Variants in CCDC141 observed in about 807,000 individuals in gnomAD.
CCDC141 encodes the protein coiled-coil domain containing 141.
Under a neutral mutation model 181.0 loss-of-function variants are expected in CCDC141, and 168 were observed. That is an observed-to-expected ratio of 0.93 (90% CI 0.82 to 1.05). The LOEUF (loss-of-function observed/expected upper bound fraction) is 1.05, where lower values mean the gene tolerates loss of function less well. CCDC141 is among the 50% of genes least tolerant of loss of function. The pLI is 0.00. For synonymous variants in CCDC141, 666 were observed against 642.3 expected, an observed-to-expected ratio of 1.04 and a Z score of -0.56; for missense variants, 1,902 against 1,788.5, an observed-to-expected ratio of 1.06 and a Z score of -1.14.
chr2:178,815,067 T>C, the CCDC141 span, among the ~76,000 whole-genome samples: 2 of 152,172 alleles, frequency 1.3e-5, no homozygotes, highest in East Asian at 1.9e-4. Flanking sequence ...ATGAGCTCTG[T>C]TGGCACTTTA....
intron 4 of CCDC141, among the ~76,000 whole-genome samples, chr2:178,966,530 G>C (rs1690642191): frequency 6.6e-6 from 1 of 152,202 alleles, no homozygotes; most frequent in South Asian, 2.1e-4. Flanking sequence ...AGAGGGGCCT[G>C]ACTGTCAGAA....
chr2:179,019,699 A>G (rs1344171801), intron 2 of CCDC141, among the ~76,000 whole-genome samples: 1 of 152,122 alleles, frequency 6.6e-6, no homozygotes, highest in East Asian at 1.9e-4. Context: ...GTTCCAATAC[A>G]TTGGTATAGC....
chr2:178,816,699 A>G, the CCDC141 span, among the ~76,000 whole-genome samples: 1 of 152,168 alleles, frequency 6.6e-6, no homozygotes, highest in Non-Finnish European at 1.5e-5. Context: ...CCTCACTAGC[A>G]TTTGGCTTTG....
rs562699502 is a variant in CCDC141, at chr2:178,913,077, G to A, written c.1092+5636C>T. ...CCTGGCCTCTCATCTAAACTTGACT[G>A]AGAAGGTCTGGAAAGCAGGGATTAT... On this transcript the variant is annotated intron_variant, in intron 7 of 23. Coordinates refer to ENST00000443758, the MANE Select transcript of CCDC141 (RefSeq NM_173648.4). Among the ~76,000 whole-genome samples the A allele has an allele frequency of 1.1e-4, 16 of 152,320 alleles. No homozygotes were observed. The South Asian group carries it at 2.9e-3, about 28-fold the overall frequency.
intron 2 of CCDC141, among the ~76,000 whole-genome samples, chr2:178,983,089 T>C (rs1016071327): frequency 3.9e-5 from 6 of 152,156 alleles, no homozygotes; most frequent in African/African-American, 1.4e-4. Context: ...AAGAGAGCAG[T>C]GGTTCTCCCA....
chr2:178,872,686 C>A (rs1042604013), intron 12 of CCDC141, among the ~76,000 whole-genome samples: 1 of 152,164 alleles, frequency 6.6e-6, no homozygotes, highest in South Asian at 2.1e-4. Context: ...TTAACATGCT[C>A]ATTGGAATAC....
intron 14 of CCDC141, among the ~76,000 whole-genome samples, chr2:178,870,319 A>G (rs1219734806): frequency 8.7e-6 from 1 of 114,764 alleles, no homozygotes; most frequent in African/African-American, 3.3e-5. Flanking sequence ...TATGAAAGGT[A>G]AAAGTAATGG....
intron 2 of CCDC141, among the ~76,000 whole-genome samples, chr2:179,023,545 T>A (rs2042745924): frequency 6.6e-6 from 1 of 152,242 alleles, no homozygotes; most frequent in Non-Finnish European, 1.5e-5. Flanking sequence ...AAAGTGGTTC[T>A]CACTAGCAAT....
chr2:178,826,420 T>C (rs963147267), downstream of CCDC141, among the ~76,000 whole-genome samples: 3 of 152,212 alleles, frequency 2.0e-5, no homozygotes, highest in African/African-American at 4.8e-5. Flanking sequence ...GTTTTACTAT[T>C]AGCATAATTC....
chr2:178,918,928 T>C (rs904551958), intron 6 of CCDC141, 21 bp from the exon 7 acceptor site: 3 of 1,539,894 alleles, frequency 1.9e-6, no homozygotes, highest in Admixed American at 4.0e-5. Context: ...TTATTCTTAT[T>C]ATTTTATACA....
intron 4 of CCDC141, among the ~76,000 whole-genome samples, chr2:178,967,914 G>GT (rs997038273): frequency 1.3e-5 from 2 of 151,598 alleles, no homozygotes; most frequent in African/African-American, 4.8e-5. Context: ...CAAATGGAAA[G>GT]TAAAAAAAAA....
intron 2 of CCDC141, among the ~76,000 whole-genome samples, chr2:179,026,913 T>C (rs907206769): frequency 6.6e-6 from 1 of 152,254 alleles, no homozygotes; most frequent in Admixed American, 6.5e-5. Context: ...ATGGGGCCTA[T>C]AGCCCCTTTG....
intron 4 of CCDC141, among the ~76,000 whole-genome samples, chr2:178,966,113 C>T (rs528793318): frequency 3.3e-5 from 5 of 152,298 alleles, no homozygotes; most frequent in Non-Finnish European, 7.3e-5. Context: ...GGCAGCCGCC[C>T]CAGTCAGGGA....
Position 178,837,538 on chromosome 2 carries a change from A to G in CCDC141, c.3681T>C (p.Leu1227=), listed in dbSNP as rs775224565. 38 of 1,613,808 alleles carry G rather than the reference A, an allele frequency of 2.4e-5. No homozygotes were observed. The African/African-American group carries it at 4.8e-4, about 20-fold the overall frequency. The part of the protein sequence containing the change: ...PPLPGSPESP[L]APSDMEVEEP... ...CTTCCACCTCCATGTCAGATGGTGC[A>G]AGAGGGGACTCAGGGCTTCCTGGGA... Residue 1227 remains leucine (L), a synonymous_variant, in exon 23 of 24, where the codon CTT becomes CTC. Transcript: ENST00000443758.
chr2:178,859,695 A>C (rs1484885261), intron 17 of CCDC141, among the ~76,000 whole-genome samples: 1 of 152,228 alleles, frequency 6.6e-6, no homozygotes, highest in Non-Finnish European at 1.5e-5. Context: ...AAACAGACTG[A>C]GTTAACATAG....
In CCDC141 at chr2:178,834,233, C is replaced by A; in HGVS notation, c.4533G>T (p.Trp1511Cys). The A allele has an allele frequency of 2.0e-6, 3 of 1,536,216 alleles. No individual in the cohort carries two copies. Among genetic ancestry groups the A allele is most frequent in the Non-Finnish European group, 2.6e-6 (3 of 1,146,858 alleles). ...NCRLPITRVNWITLCVVYVSV... is the reference protein window; with the variant it reads ...NCRLPITRVNCITLCVVYVSV... ...TAACATAGACGACACACAGGGTTAT[C>A]CAGTTTACTCTTGTGATTGGCAGCC... Residue 1511 changes from tryptophan (W) to cysteine (C), a missense_variant, in exon 24 of 24, where the codon TGG (tryptophan) becomes TGT (cysteine). Trp to Cys is a radical substitution (Grantham distance 215). Coordinates refer to ENST00000443758, the MANE Select transcript of CCDC141 (RefSeq NM_173648.4).
Position 178,832,476 on chromosome 2 carries a change from AAAAAAAAC to A in CCDC141, c.*1689_*1696del, listed in dbSNP as rs1301295506. On this transcript the variant is annotated 3_prime_UTR_variant, in exon 24 of 24. Transcript: ENST00000443758. ...GCAAGACTCTTTCTCAAAAAAAAAA[AAAAAAAAC>A]AAAAAAAACAAAAAAAAGATAGTTA... 3.0e-5 allele frequency: 4 copies of A among 134,116 alleles called. No individual in the cohort carries two copies. In the South Asian group the frequency reaches 6.8e-4, roughly 23 times the overall value. 8.3% of individuals were successfully genotyped at this position (134,116 alleles called of 1,614,324 possible).
intron 17 of CCDC141, among the ~76,000 whole-genome samples, chr2:178,861,679 A>C (rs1685628993): frequency 6.6e-6 from 1 of 150,500 alleles, no homozygotes; most frequent in South Asian, 2.1e-4. Flanking sequence ...GCAGGGTCTC[A>C]CCATCTTGCC....
chr2:178,926,555 T>G (rs2154375450), intron 6 of CCDC141: 1 of 152,310 alleles, frequency 6.6e-6, no homozygotes, highest in East Asian at 1.9e-4. Flanking sequence ...CATCAGGAGT[T>G]TAAACAGCCC....
Sources: allele counts gnomAD v4.1 joint callset (sites outside exome capture counted in the v4.1 genomes callset), GRCh38; gene constraint gnomAD v4.1.1; transcripts MANE v1.5; gene names NCBI Gene and HGNC (gene_info 2026-07-23, HGNC 2026-07-21).